The following CCNI variants were observed in gnomAD, a reference collection of about 807,000 sequenced individuals.
The protein encoded by CCNI is cyclin-I.
In CCNI, 14 loss-of-function variants were observed where a neutral mutation model predicts 34.1. The ratio of observed to expected loss-of-function variants is 0.41; its 90% CI spans 0.27 to 0.64. The LOEUF (loss-of-function observed/expected upper bound fraction) is 0.64. CCNI is among the 30% of genes least tolerant of loss of function. The probability of loss-of-function intolerance (pLI) is 0.31; values close to 1 mark genes in which losing one functional copy is unlikely to be tolerated. For missense variants in CCNI, 385 were observed against 440.5 expected, an observed-to-expected ratio of 0.87 and a Z score of 1.13; for synonymous variants, 154 against 158.4, an observed-to-expected ratio of 0.97 and a Z score of 0.21.
intron 1 of CCNI, among the ~76,000 whole-genome samples, 183 bp from the exon 2 acceptor site, chr4:77,066,588 A>C (rs1056431705): frequency 1.3e-5 from 2 of 152,252 alleles, no homozygotes; most frequent in Admixed American, 1.3e-4. Flanking sequence ...CACACTTGAA[A>C]TCTGAAATTC....
chr4:77,074,608 G>A (rs145195796), intron 1 of CCNI, among the ~76,000 whole-genome samples: 86 of 152,216 alleles, frequency 5.6e-4, no homozygotes, highest in African/African-American at 1.8e-3. Flanking sequence ...CCAGCCTTGG[G>A]GGGATTAAGT....
In CCNI at chr4:77,048,549, G is replaced by A; in HGVS notation, c.804C>T (p.Thr268=). 1.9e-6 allele frequency: 3 copies of A among 1,613,626 alleles called. No individual in the cohort carries two copies. Among genetic ancestry groups the A allele is most frequent in the Non-Finnish European group, 2.5e-6 (3 of 1,179,694 alleles). ...SVYVYRPLKH[T]LVTCDKGVFR... ...ACACTCCTTTGTCACAGGTCACCAGGGTGTGCTTGAGGGGACGGTAGACAT... is the reference window on the plus strand; with the variant it reads ...ACACTCCTTTGTCACAGGTCACCAGAGTGTGCTTGAGGGGACGGTAGACAT... The change falls in exon 7 of 7, where the codon ACC becomes ACT. Residue 268 remains threonine, a synonymous_variant. Coordinates refer to ENST00000237654, the MANE Select transcript of CCNI (RefSeq NM_006835.3).
At chr4:77,070,849 T>C (rs1729413672) in intron 1 of CCNI, among the ~76,000 whole-genome samples, 1 of 152,188 alleles carries the variant, frequency 6.6e-6, no homozygotes, top group South Asian at 2.1e-4. Flanking sequence ...AAAATCTTTA[T>C]ATAAAAGAAA....
At chr4:77,069,089 C>T (rs1413341678) in intron 1 of CCNI, among the ~76,000 whole-genome samples, 1 of 152,184 alleles carries the variant, frequency 6.6e-6, no homozygotes, top group Non-Finnish European at 1.5e-5. Context: ...TTAATCATGT[C>T]ATAAAGCAGC....
chr4:77,063,051 T>A (rs1332437155), intron 2 of CCNI, among the ~76,000 whole-genome samples: 1 of 152,130 alleles, frequency 6.6e-6, no homozygotes, highest in Non-Finnish European at 1.5e-5. Context: ...AAAATTATAA[T>A]ACTTTGTGCT....
chr4:77,071,066 A>G (rs1041803765), intron 1 of CCNI, among the ~76,000 whole-genome samples: 2 of 152,116 alleles, frequency 1.3e-5, no homozygotes, highest in Non-Finnish European at 2.9e-5. Flanking sequence ...GTCACTAGTG[A>G]CTCAAGTTCC....
intron 3 of CCNI, chr4:77,056,586 C>CT (rs35437385): frequency 0.057 from 9,130 of 160,898 alleles, 369 homozygotes; most frequent in African/African-American, 0.14. Context: ...CTAGAGCTAA[C>CT]TTTTTTTTTT....
chr4:77,071,394 C>T (rs1432154376), intron 1 of CCNI, among the ~76,000 whole-genome samples: 1 of 152,044 alleles, frequency 6.6e-6, no homozygotes, highest in African/African-American at 2.4e-5. Context: ...AATGCCTCTA[C>T]TAAAAAAGGA....
At chr4:77,063,796 A>G (rs968442203) in intron 2 of CCNI, among the ~76,000 whole-genome samples, 4 of 152,252 alleles carry the variant, frequency 2.6e-5, no homozygotes, top group African/African-American at 9.6e-5. Context: ...TATCCCCACC[A>G]GACCAAGGCC....
At chr4:77,061,061 T>C (rs1269230262) in intron 2 of CCNI, among the ~76,000 whole-genome samples, 3 of 152,128 alleles carry the variant, frequency 2.0e-5, no homozygotes, top group Non-Finnish European at 4.4e-5. Flanking sequence ...GTTTGGCCCA[T>C]ATACCAGATA....
intron 1 of CCNI, among the ~76,000 whole-genome samples, chr4:77,074,544 A>T (rs1226177821): frequency 2.6e-5 from 4 of 152,178 alleles, no homozygotes; most frequent in African/African-American, 9.7e-5. Flanking sequence ...CTAAGGAGAA[A>T]GTTAATCTTG....
intron 1 of CCNI, among the ~76,000 whole-genome samples, chr4:77,072,015 T>G (rs1453317177): frequency 6.6e-6 from 1 of 152,176 alleles, no homozygotes; most frequent in African/African-American, 2.4e-5. Context: ...ACTTATTCGT[T>G]GAAGCCAGTT....
intron 1 of CCNI, among the ~76,000 whole-genome samples, chr4:77,067,803 AAAAAAAAAAAAAAAAAG>A (rs1187543275): frequency 6.8e-5 from 6 of 87,720 alleles, no homozygotes; most frequent in Admixed American, 2.8e-4. Flanking sequence ...AAAAAAAAAA[AAAAAAAAAAAAAAAAAG>A]AAGCAAACTA....
intron 2 of CCNI, among the ~76,000 whole-genome samples, chr4:77,061,601 C>T (rs1351066484): frequency 6.6e-6 from 1 of 152,172 alleles, no homozygotes; most frequent in Non-Finnish European, 1.5e-5. Flanking sequence ...TTCACCATTA[C>T]CTAAAAGATT....
In CCNI at chr4:77,048,120, T is replaced by G. The variant is rs1027989048; in HGVS notation, c.*99A>C. On this transcript the variant is annotated 3_prime_UTR_variant, in exon 7 of 7. Transcript: ENST00000237654. ...TTCTGGCTCACTCCAAATCAGCCTG[T>G]TAAGGTATATTTCCTTCTACAGCCT... 6.2e-6 allele frequency: 5 copies of G among 809,090 alleles called. No homozygotes were observed. In the African/African-American group the frequency reaches 8.6e-5, roughly 14 times the overall value. 50.1% of individuals were successfully genotyped at this position (809,090 alleles called of 1,614,324 possible).
intron 1 of CCNI, chr4:77,075,149 A>C (rs985659879): frequency 3.9e-5 from 6 of 152,272 alleles, no homozygotes; most frequent in African/African-American, 1.4e-4. Flanking sequence ...GGGCTCGTAG[A>C]GCCTCCAACA....
intron 1 of CCNI, among the ~76,000 whole-genome samples, chr4:77,074,175 C>G (rs1430703234): frequency 1.3e-5 from 2 of 152,206 alleles, no homozygotes; most frequent in African/African-American, 4.8e-5. Context: ...AAGCTCCATT[C>G]TAACCTACTA....
chr4:77,061,574 CTTTAAA>C (rs1728608791), intron 2 of CCNI, among the ~76,000 whole-genome samples: 1 of 152,204 alleles, frequency 6.6e-6, no homozygotes, highest in African/African-American at 2.4e-5. Context: ...ACCTCCCCAG[CTTTAAA>C]CTCTAAAAGG....
chr4:77,068,521 A>G (rs1031462918), intron 1 of CCNI, among the ~76,000 whole-genome samples: 14 of 152,208 alleles, frequency 9.2e-5, no homozygotes, highest in African/African-American at 2.7e-4. Flanking sequence ...ATAACGGGAC[A>G]AGGAGGAAAG....
Sources: allele counts gnomAD v4.1 joint callset (sites outside exome capture counted in the v4.1 genomes callset), GRCh38; gene constraint gnomAD v4.1.1; transcripts MANE v1.5; gene names NCBI Gene and HGNC (gene_info 2026-07-23, HGNC 2026-07-21).